Variants in PPP1R3A observed in about 807,000 individuals in gnomAD.
PPP1R3A encodes the protein protein phosphatase 1 regulatory subunit 3A.
In PPP1R3A, 29 loss-of-function variants were observed where a neutral mutation model predicts 41.7. The observed-to-expected ratio is 0.70, with a 90% confidence interval of 0.52 to 0.95. PPP1R3A has a LOEUF of 0.95. Ranked by LOEUF, PPP1R3A falls within the 40% of genes least tolerant of loss-of-function variation. PPP1R3A has a pLI of 0.00. For synonymous variants in PPP1R3A, 485 were observed against 453.4 expected (o/e 1.07, Z -0.89); for missense variants, 1,352 against 1,292.4 (o/e 1.05, Z -0.71).
At chr7:113,898,623 A>G (rs1797013941) in intron 1 of PPP1R3A, among the ~76,000 whole-genome samples, 1 of 151,782 alleles carries the variant, frequency 6.6e-6, no homozygotes, top group Non-Finnish European at 1.5e-5. Context: ...GCCTACACAA[A>G]CTACAGCCTC....
At chr7:113,916,439 G>A (rs1473131838) in intron 1 of PPP1R3A, among the ~76,000 whole-genome samples, 1 of 152,040 alleles carries the variant, frequency 6.6e-6, no homozygotes, top group Non-Finnish European at 1.5e-5. Flanking sequence ...TAGAAGATGA[G>A]GCCTATCAGT....
chr7:113,890,087 A>G (rs940453299), intron 1 of PPP1R3A, among the ~76,000 whole-genome samples: 1 of 152,060 alleles, frequency 6.6e-6, no homozygotes, highest in African/African-American at 2.4e-5. Flanking sequence ...CAGTAAAAAA[A>G]AAAAGAATTA....
At chr7:113,904,204 T>A (rs1377877144) in intron 1 of PPP1R3A, among the ~76,000 whole-genome samples, 1 of 151,712 alleles carries the variant, frequency 6.6e-6, no homozygotes, top group African/African-American at 2.4e-5. Context: ...TCTTTATGAA[T>A]AATTAGTTTA....
chr7:113,899,604 T>A (rs975437082), intron 1 of PPP1R3A, among the ~76,000 whole-genome samples: 2 of 151,874 alleles, frequency 1.3e-5, no homozygotes, highest in East Asian at 1.9e-4. Context: ...CATTATTTTT[T>A]AAATTATAAC....
At chr7:113,899,430 T>C (rs548357229) in intron 1 of PPP1R3A, among the ~76,000 whole-genome samples, 1 of 151,972 alleles carries the variant, frequency 6.6e-6, no homozygotes, top group Non-Finnish European at 1.5e-5. Context: ...TTAATAAATA[T>C]ATAAAGCTTA....
rs145050696 is a variant in PPP1R3A, at chr7:113,883,648, G to A, written c.783-1328C>T. On this transcript the variant is annotated intron_variant, in intron 1 of 3. Coordinates refer to ENST00000284601, the MANE Select transcript of PPP1R3A (RefSeq NM_002711.4). Reference sequence around the variant, plus strand: ...AAATTATGCCAAGGTTTATTTTTACGAAATCCAACTGCAGGCTGACACACC... The same window carrying A: ...AAATTATGCCAAGGTTTATTTTTACAAAATCCAACTGCAGGCTGACACACC... Among the ~76,000 whole-genome samples, 17 of 151,848 alleles carry A rather than the reference G, an allele frequency of 1.1e-4. No individual in the cohort carries two copies. The East Asian group carries it at 1.2e-3, about 10-fold the overall frequency.
At chr7:113,912,308 C>CA in intron 1 of PPP1R3A, among the ~76,000 whole-genome samples, 1 of 152,196 alleles carries the variant, frequency 6.6e-6, no homozygotes, top group Non-Finnish European at 1.5e-5. Context: ...CAACTGACCT[C>CA]AATGGGTATA....
intron 1 of PPP1R3A, among the ~76,000 whole-genome samples, chr7:113,884,041 A>C (rs1796739980): frequency 6.6e-6 from 1 of 152,008 alleles, no homozygotes; most frequent in Non-Finnish European, 1.5e-5. Context: ...GTAGAAATAA[A>C]TGAAATTTAA....
chr7:113,893,236 G>A (rs1217891022), intron 1 of PPP1R3A, among the ~76,000 whole-genome samples: 1 of 151,886 alleles, frequency 6.6e-6, no homozygotes, highest in African/African-American at 2.4e-5. Flanking sequence ...AGTATTCTGA[G>A]TATCATTTAG....
intron 1 of PPP1R3A, among the ~76,000 whole-genome samples, chr7:113,899,138 C>T (rs1349974825): frequency 6.6e-6 from 1 of 151,708 alleles, no homozygotes; most frequent in Non-Finnish European, 1.5e-5. Context: ...ATCCTATTTG[C>T]CCCTTCTCTA....
At chr7:113,885,412 G>A (rs1796767293) in intron 1 of PPP1R3A, among the ~76,000 whole-genome samples, 1 of 152,040 alleles carries the variant, frequency 6.6e-6, no homozygotes, top group African/African-American at 2.4e-5. Flanking sequence ...AAAACAATTT[G>A]ACCGACATTA....
At chr7:113,917,592 T>G (rs1386968856) in intron 1 of PPP1R3A, among the ~76,000 whole-genome samples, 1 of 152,072 alleles carries the variant, frequency 6.6e-6, no homozygotes. Context: ...TTCCATAATG[T>G]TATTCTTGGT....
At chr7:113,908,624 A>G (rs749663469) in intron 1 of PPP1R3A, among the ~76,000 whole-genome samples, 4 of 151,912 alleles carry the variant, frequency 2.6e-5, no homozygotes, top group Admixed American at 6.6e-5. Context: ...ACCAATTTAA[A>G]TTTCAGTGGG....
At chr7:113,914,229 G>A (rs1187190007) in intron 1 of PPP1R3A, among the ~76,000 whole-genome samples, 2 of 152,034 alleles carry the variant, frequency 1.3e-5, no homozygotes, top group African/African-American at 4.8e-5. Flanking sequence ...TGTGACACTA[G>A]ACATCATGAC....
chr7:113,911,120 GTTTAATTGGTC>G (rs1292911956), intron 1 of PPP1R3A, among the ~76,000 whole-genome samples: 19 of 152,012 alleles, frequency 1.2e-4, no homozygotes. Flanking sequence ...CGACAGGTTT[GTTTAATTGGTC>G]TCTGTCCCTG....
intron 3 of PPP1R3A, 135 bp downstream of exon 3, chr7:113,881,904 C>T (rs568396937): frequency 4.1e-5 from 40 of 985,548 alleles, no homozygotes; most frequent in South Asian, 1.3e-4. Context: ...AAGCTAGAGA[C>T]GCAAGGACAG....
chr7:113,906,988 G>A (rs1314379204), intron 1 of PPP1R3A, among the ~76,000 whole-genome samples: 1 of 151,780 alleles, frequency 6.6e-6, no homozygotes, highest in Non-Finnish European at 1.5e-5. Flanking sequence ...CGTTCCTGTG[G>A]AAGGTGGAAA....
chr7:113,878,249 G>A lies in PPP1R3A; in HGVS notation c.2843C>T (p.Thr948Met), dbSNP rs754703917. ...TGAATTACAAATATTTTCTGATTTC[G>A]TAGAAATAGGTTGGCTAGCCATGGT... ...VTTMASQPISTKSENICNSTR... is the reference protein window; with the variant it reads ...VTTMASQPISMKSENICNSTR... The change falls in exon 4 of 4, where the codon ACG becomes ATG. Residue 948 changes from threonine to methionine, a missense_variant. Coordinates refer to ENST00000284601, the MANE Select transcript of PPP1R3A (RefSeq NM_002711.4). 4.3e-5 allele frequency: 69 copies of A among 1,612,896 alleles called. No individual in the cohort carries two copies. Among genetic ancestry groups the A allele is most frequent in the Middle Eastern group, 3.3e-4 (2 of 6,080 alleles).
rs200794070 is a variant in PPP1R3A, at chr7:113,877,255, A to ATACAGTGT, written c.*467_*468insACACTGTA. The stretch of plus-strand genomic sequence containing the variant: ...TTTGATCAATGAATCCTGATAAATG[A>ATACAGTGT]TAAATTGAACAAATTTCATGTTCAA... On this transcript the variant is annotated 3_prime_UTR_variant, in exon 4 of 4. Transcript: ENST00000284601. The ATACAGTGT allele has an allele frequency of 0.65, 98,415 of 152,236 alleles. 31,881 individuals carry two copies. The highest frequency in any genetic ancestry group is 0.74 in the South Asian group (3,579 of 4,836). The allele number at this position is 152,236 out of a possible 1,614,324, so 9.4% of individuals were successfully genotyped here. A position where few individuals can be genotyped will look rare whatever the true frequency, so the allele number is the denominator to read the frequency against.
Sources: gnomAD v4.1 joint callset for allele counts (sites outside exome capture counted in the v4.1 genomes callset) on GRCh38, gnomAD v4.1.1 for gene constraint, MANE v1.5 for transcripts, NCBI Gene and HGNC (gene_info 2026-07-23, HGNC 2026-07-21) for gene names.